YTHDC2: variants seen among roughly 807,000 people sequenced by gnomAD.
YTHDC2 encodes the protein 3'-5' RNA helicase YTHDC2.
YTHDC2 carries 45 observed loss-of-function variants against 174.9 expected under a neutral mutation model. The observed-to-expected ratio is 0.26, with a 90% CI of 0.20 to 0.33. The LOEUF is 0.33. YTHDC2 is among the 10% of genes least tolerant of loss of function. YTHDC2 has a pLI of 1.00. For missense variants in YTHDC2, 1,650 were observed against 1,723.7 expected (o/e 0.96, Z 0.76); for synonymous variants, 657 against 574.5 (o/e 1.14, Z -2.05).
chr5:113,530,601 A>G (rs1459628119), intron 4 of YTHDC2, among the ~76,000 whole-genome samples: 1 of 152,102 alleles, frequency 6.6e-6, no homozygotes, highest in South Asian at 2.1e-4. Context: ...TTTCACTTAT[A>G]TGTAACCATA....
At chr5:113,541,662 A>G (rs966017413) in intron 9 of YTHDC2, among the ~76,000 whole-genome samples, 1 of 152,128 alleles carries the variant, frequency 6.6e-6, no homozygotes, top group African/African-American at 2.4e-5. Flanking sequence ...ACTAGTGTTT[A>G]AAGTTGTAAT....
chr5:113,537,357 CTCTCT>C (rs1170881918), intron 7 of YTHDC2, among the ~76,000 whole-genome samples: 1 of 118,626 alleles, frequency 8.4e-6, no homozygotes, highest in African/African-American at 4.1e-5. Context: ...GGTTGGCTCT[CTCTCT>C]TTTTTTTTTT....
intron 4 of YTHDC2, among the ~76,000 whole-genome samples, chr5:113,527,663 A>C (rs1580490677): frequency 6.6e-6 from 1 of 152,216 alleles, no homozygotes; most frequent in African/African-American, 2.4e-5. Context: ...TTTTACTTGA[A>C]GGACTTAAAC....
At position 113,515,425 on chromosome 5, in the gene YTHDC2, G is replaced by T. The variant is rs557347949; in HGVS notation, c.278+63G>T. ...TTATTTGCCCAAAAAAGGGAGAAAC[G>T]TTTCTGAGTACATTTAAGTACTTAT... On this transcript the variant is annotated intron_variant, in intron 2 of 29. Transcript: ENST00000161863. The T allele has an allele frequency of 6.1e-6, 8 of 1,307,116 alleles. No individual in the cohort carries two copies. The Admixed American group carries it at 7.8e-5, about 13-fold the overall frequency. The allele number at this position is 1,307,116 out of a possible 1,614,324, so 81.0% of individuals were successfully genotyped here.
rs1178335187 is a variant in YTHDC2 at position 113,587,502 on chromosome 5, AATGTATTTATATGTAATATATATT to A, written c.3825+3036_3825+3059del. Among the ~76,000 whole-genome samples, 366 of 132,332 alleles carry A rather than the reference AATGTATTTATATGTAATATATATT, an allele frequency of 2.8e-3. 22 individuals carry two copies. The highest frequency in any genetic ancestry group is 0.024 in the Middle Eastern group (6 of 246). The allele number at this position is 132,332 out of a possible 152,430, so 86.8% of individuals were successfully genotyped here. ...TATTATGTATTCATATAATATATAT[AATGTATTTATATGTAATATATATT>A]ATGTATTTATATATTAATATATTGT... On this transcript the variant is annotated intron_variant, in intron 26 of 29. Coordinates refer to ENST00000161863, the MANE Select transcript of YTHDC2 (RefSeq NM_022828.5).
intron 1 of YTHDC2, 98 bp downstream of exon 1, chr5:113,514,180 A>C: frequency 6.9e-7 from 1 of 1,443,080 alleles, no homozygotes; most frequent in Non-Finnish European, 9.4e-7. Flanking sequence ...GGTGCCTCCG[A>C]AGAGGGAGGG....
At chr5:113,556,172 T>C (rs777233901) in intron 17 of YTHDC2, 38 bp downstream of exon 17, 1 of 1,288,270 alleles carries the variant, frequency 7.8e-7, no homozygotes, top group South Asian at 1.4e-5. Context: ...CAATTGCCTG[T>C]AAAATGGAAA....
chr5:113,593,541 A>T lies in YTHDC2; in HGVS notation c.*67A>T, dbSNP rs1015275930. On this transcript the variant is annotated 3_prime_UTR_variant, in exon 30 of 30. Transcript: ENST00000161863. ...ATAACCACTGAATGCACTGACTTTC[A>T]AAAACTGAGGTGGGGTGTGTGTTAC... is the stretch of plus-strand genomic sequence containing the variant. 1.7e-6 allele frequency: 1 copy of T among 579,190 alleles called. No individual in the cohort carries two copies. The highest frequency in any genetic ancestry group is 2.9e-6 in the Non-Finnish European group (1 of 341,812). The allele number at this position is 579,190 out of a possible 1,614,324, so 35.9% of individuals were successfully genotyped here.
intron 26 of YTHDC2, among the ~76,000 whole-genome samples, chr5:113,584,922 A>T (rs139947219): frequency 6.6e-6 from 1 of 151,146 alleles, no homozygotes; most frequent in Non-Finnish European, 1.5e-5. Flanking sequence ...CCACAGGTGC[A>T]TGCCACCATG....
At chr5:113,549,778 A>G (rs57230383) in intron 12 of YTHDC2, among the ~76,000 whole-genome samples, 1,765 of 152,102 alleles carry the variant, frequency 0.012, 40 homozygotes, top group African/African-American at 0.041. Context: ...ACTATGTAAT[A>G]TACTTGTTCA....
In YTHDC2 at chr5:113,526,782, A is replaced by G; in HGVS notation, c.672A>G (p.Thr224=). Residue 224 remains threonine (T), a synonymous_variant, in exon 4 of 30, where the codon ACA becomes ACG. Transcript: ENST00000161863. ...IVGETGSGKT[T]QIPQFLLDDC... ...GAGAAACTGGGTCTGGAAAGACCAC[A>G]CAGGTTTGTTTCTTTTTTGTTGTTT... 1 of 1,381,720 alleles carries G rather than the reference A, an allele frequency of 7.2e-7. No homozygotes were observed. Among genetic ancestry groups the G allele is most frequent in the Non-Finnish European group, 9.4e-7 (1 of 1,058,322 alleles). 85.6% of individuals were successfully genotyped at this position (1,381,720 alleles called of 1,614,324 possible). A position where few individuals can be genotyped will look rare whatever the true frequency, so the allele number is the denominator to read the frequency against.
chr5:113,576,189 G>A (rs1778034907), intron 23 of YTHDC2, among the ~76,000 whole-genome samples: 1 of 152,108 alleles, frequency 6.6e-6, no homozygotes, highest in South Asian at 2.1e-4. Context: ...GAAGTCATCA[G>A]CTTGTAAATG....
At chr5:113,541,220 C>A in intron 9 of YTHDC2, 104 bp downstream of exon 9, 1 of 1,271,700 alleles carries the variant, frequency 7.9e-7, no homozygotes, top group Non-Finnish European at 1.1e-6. Flanking sequence ...GAGATGGAGT[C>A]TGGCTCTGTG....
In YTHDC2 at chr5:113,513,736, C is replaced by G. The variant is rs1773175452; in HGVS notation, c.-160C>G. The stretch of plus-strand genomic sequence containing the variant: ...GATATCAATGGCGCAGGCTTCACTT[C>G]TGCTGTGGCGGTGACTGAGGCCTTT... On this transcript the variant is annotated 5_prime_UTR_variant, in exon 1 of 30. Coordinates refer to ENST00000161863, the MANE Select transcript of YTHDC2 (RefSeq NM_022828.5). The G allele has an allele frequency of 1.3e-6, 1 of 740,980 alleles. No homozygotes were observed. The highest frequency in any genetic ancestry group is 3.6e-5 in the Admixed American group (1 of 27,488). The allele number at this position is 740,980 out of a possible 1,614,324, so 45.9% of individuals were successfully genotyped here.
intron 2 of YTHDC2, among the ~76,000 whole-genome samples, chr5:113,521,411 T>C (rs1213316495): frequency 1.3e-5 from 2 of 152,178 alleles, no homozygotes; most frequent in East Asian, 3.9e-4. Flanking sequence ...AGATCTCATC[T>C]TCAATTTAGC....
chr5:113,556,003 T>A, intron 16 of YTHDC2, 49 bp from the exon 17 acceptor site: 1 of 1,214,320 alleles, frequency 8.2e-7, no homozygotes, highest in South Asian at 1.4e-5. Flanking sequence ...TGCTATTACC[T>A]TTTAAATACC....
chr5:113,532,617 G>A (rs1774749387), intron 4 of YTHDC2, among the ~76,000 whole-genome samples: 1 of 151,984 alleles, frequency 6.6e-6, no homozygotes, highest in Non-Finnish European at 1.5e-5. Context: ...TTTTCCAGTA[G>A]CATTTTATAA....
intron 2 of YTHDC2, among the ~76,000 whole-genome samples, chr5:113,518,449 T>A (rs1773633656): frequency 6.6e-6 from 1 of 151,570 alleles, no homozygotes; most frequent in South Asian, 2.1e-4. Flanking sequence ...CAATCCTCCC[T>A]CATTGGCCTC....
At chr5:113,537,534 TC>T (rs996127192) in intron 7 of YTHDC2, among the ~76,000 whole-genome samples, 2 of 151,846 alleles carry the variant, frequency 1.3e-5, no homozygotes, top group African/African-American at 2.4e-5. Flanking sequence ...ATTCCCTTGA[TC>T]CGTTTCCTTT....
Sources: gnomAD v4.1 joint callset for allele counts (sites outside exome capture counted in the v4.1 genomes callset) on GRCh38, gnomAD v4.1.1 for gene constraint, MANE v1.5 for transcripts, NCBI Gene and HGNC (gene_info 2026-07-23, HGNC 2026-07-21) for gene names.